Variants in TMEM233 observed in about 807,000 individuals in gnomAD.
TMEM233 encodes transmembrane protein 233.
Under a neutral mutation model 11.2 loss-of-function variants are expected in TMEM233, and 6 were observed. The ratio of observed to expected loss-of-function variants is 0.54; its 90% CI spans 0.29 to 1.06. The LOEUF (loss-of-function observed/expected upper bound fraction) is 1.06. TMEM233 is among the 50% of genes least tolerant of loss of function. The probability of loss-of-function intolerance (pLI) is 0.08; values close to 1 mark genes in which losing one functional copy is unlikely to be tolerated. For synonymous variants in TMEM233, 59 were observed against 55.8 expected (o/e 1.06, Z -0.26); for missense variants, 127 against 144.7 (o/e 0.88, Z 0.63).
At position 119,640,315 on chromosome 12, in the gene TMEM233, C is replaced by T. The variant is rs555685621; in HGVS notation, c.324-384C>T. 9.5e-4 allele frequency among the ~76,000 whole-genome samples: 145 copies of T among 152,158 alleles called. 1 individual carries two copies. The highest frequency in any genetic ancestry group is 9.5e-3 in the Admixed American group (145 of 15,278). On this transcript the variant is annotated intron_variant, in intron 2 of 2. Transcript: ENST00000426426. The stretch of plus-strand genomic sequence containing the variant: ...GACTACAGGCACCCGCCACCACGCC[C>T]GGCTAATTTTTTTTGTATTTTTAGT...
intron 1 of TMEM233, among the ~76,000 whole-genome samples, chr12:119,608,966 C>T (rs1566100617): frequency 6.6e-6 from 1 of 151,922 alleles, no homozygotes; most frequent in Non-Finnish European, 1.5e-5. Flanking sequence ...GGGAGTGGGG[C>T]GCTGCTATAA....
At chr12:119,618,986 T>C (rs1954591631) in intron 1 of TMEM233, among the ~76,000 whole-genome samples, 1 of 152,166 alleles carries the variant, frequency 6.6e-6, no homozygotes, top group Admixed American at 6.5e-5. Context: ...ATTGTAGTTC[T>C]CATAATCCCC....
chr12:119,599,138 T>C (rs917325215), intron 1 of TMEM233, among the ~76,000 whole-genome samples: 1 of 152,214 alleles, frequency 6.6e-6, no homozygotes, highest in African/African-American at 2.4e-5. Flanking sequence ...AAGAGGACTT[T>C]CGATTAATCG....
At chr12:119,630,240 T>C (rs148801126) in intron 2 of TMEM233, among the ~76,000 whole-genome samples, 35 of 152,294 alleles carry the variant, frequency 2.3e-4, no homozygotes, top group African/African-American at 8.2e-4. Flanking sequence ...GAGTGATTTA[T>C]AAAAAAAGAA....
chr12:119,629,009 TC>T (rs1470708348), intron 1 of TMEM233, among the ~76,000 whole-genome samples: 2 of 152,184 alleles, frequency 1.3e-5, no homozygotes, highest in Non-Finnish European at 2.9e-5. Flanking sequence ...GATTTGCAAA[TC>T]CCATTCTAGT....
intron 1 of TMEM233, among the ~76,000 whole-genome samples, chr12:119,625,662 A>T (rs1444402077): frequency 6.6e-6 from 1 of 152,220 alleles, no homozygotes; most frequent in Non-Finnish European, 1.5e-5. Context: ...GCAGGCCTCA[A>T]ATATAAGTGA....
intron 1 of TMEM233, among the ~76,000 whole-genome samples, chr12:119,626,479 A>AG: frequency 9.5e-6 from 1 of 105,152 alleles, no homozygotes; most frequent in Non-Finnish European, 1.9e-5. Context: ...CCGGAAAAAA[A>AG]AAAAAAAGAA....
intron 2 of TMEM233, among the ~76,000 whole-genome samples, chr12:119,632,627 G>A (rs1244784491): frequency 6.6e-6 from 1 of 152,142 alleles, no homozygotes; most frequent in African/African-American, 2.4e-5. Flanking sequence ...GGGGACCATG[G>A]TAATTTCAAA....
At chr12:119,623,497 CAG>C (rs1394158663) in intron 1 of TMEM233, among the ~76,000 whole-genome samples, 18 of 149,686 alleles carry the variant, frequency 1.2e-4, no homozygotes, top group Middle Eastern at 3.5e-3. Context: ...TGCTTGAGGT[CAG>C]GAGTTTGACA....
At chr12:119,598,776 C>T (rs73410146) in intron 1 of TMEM233, among the ~76,000 whole-genome samples, 4,563 of 152,228 alleles carry the variant, frequency 0.03, 221 homozygotes, top group African/African-American at 0.1. Flanking sequence ...GCAAGTGCCT[C>T]GATCTTTCTG....
chr12:119,622,677 C>A (rs1314208357), intron 1 of TMEM233, among the ~76,000 whole-genome samples: 1 of 148,078 alleles, frequency 6.8e-6, no homozygotes, highest in Non-Finnish European at 1.5e-5. Flanking sequence ...GAGACCCCCC[C>A]AGCCATGGAA....
downstream of TMEM233, among the ~76,000 whole-genome samples, chr12:119,645,867 T>G (rs115216919): frequency 1.3e-5 from 2 of 152,206 alleles, no homozygotes; most frequent in South Asian, 4.2e-4. Flanking sequence ...TGGAATCCCA[T>G]GCATGGGGAC....
the TMEM233 span, among the ~76,000 whole-genome samples, chr12:119,649,206 G>T: frequency 6.6e-6 from 1 of 152,140 alleles, no homozygotes; most frequent in Non-Finnish European, 1.5e-5. Context: ...GCTGAGGCAG[G>T]AGAATCTCCT....
chr12:119,629,632 C>T, intron 1 of TMEM233, 104 bp from the exon 2 acceptor site: 2 of 1,234,440 alleles, frequency 1.6e-6, no homozygotes, highest in East Asian at 2.6e-5. Context: ...TGAGCAAAGT[C>T]ACCAGAGAGC....
downstream of TMEM233, among the ~76,000 whole-genome samples, chr12:119,643,542 G>A (rs1222350271): frequency 6.6e-6 from 1 of 152,220 alleles, no homozygotes. Flanking sequence ...GCCGAGGCAG[G>A]TGGATCATAA....
chr12:119,611,187 T>G (rs778588550), intron 1 of TMEM233, among the ~76,000 whole-genome samples: 45 of 152,204 alleles, frequency 3.0e-4, no homozygotes, highest in Admixed American at 1.9e-3. Flanking sequence ...TTCTTTGGTG[T>G]AGAGCTAGGA....
At chr12:119,638,805 G>A (rs1011333801) in intron 2 of TMEM233, among the ~76,000 whole-genome samples, 7 of 152,034 alleles carry the variant, frequency 4.6e-5, no homozygotes, top group African/African-American at 1.7e-4. Context: ...GGGAGGCCGA[G>A]GTGGGAGGAT....
chr12:119,608,145 G>A (rs935554888), intron 1 of TMEM233, among the ~76,000 whole-genome samples: 15 of 152,040 alleles, frequency 9.9e-5, no homozygotes, highest in Non-Finnish European at 1.5e-5. Flanking sequence ...GGGTTTTTTA[G>A]CCTGCAATGG....
At chr12:119,639,589 T>G (rs1171990688) in intron 2 of TMEM233, among the ~76,000 whole-genome samples, 7 of 151,242 alleles carry the variant, frequency 4.6e-5, no homozygotes, top group African/African-American at 1.7e-4. Flanking sequence ...GCCACTGCAC[T>G]CCAGCCTGGG....
Sources: allele counts gnomAD v4.1 joint callset (sites outside exome capture counted in the v4.1 genomes callset), GRCh38; gene constraint gnomAD v4.1.1; transcripts MANE v1.5; gene names NCBI Gene and HGNC (gene_info 2026-07-23, HGNC 2026-07-21).